The following PLG variants were observed in gnomAD, a reference collection of about 807,000 sequenced individuals.
PLG encodes the protein plasmin.
Under a neutral mutation model 104.4 loss-of-function variants are expected in PLG, and 41 were observed. The observed-to-expected ratio is 0.39, with a 90% CI of 0.31 to 0.51. The LOEUF is 0.51. PLG is among the 20% of genes least tolerant of loss of function. The pLI, the probability that PLG is intolerant of heterozygous loss-of-function variation, is 0.76. For synonymous variants in PLG, 337 were observed against 357.1 expected (o/e 0.94, Z 0.63); for missense variants, 891 against 1,003.6 (o/e 0.89, Z 1.52).
rs749641889 is a variant in PLG, at chr6:160,741,299, C to T, written c.2019-12C>T. The stretch of plus-strand genomic sequence containing the variant: ...GAGCAGTCAAACATAACTGCTGATG[C>T]TTTTCTTTCAGTCCTGCCGTCATCA... On this transcript the variant is annotated splice_polypyrimidine_tract_variant and intron_variant, in intron 16 of 18. Transcript: ENST00000308192. The surrounding 1 kb of genome is among the most constrained non-coding windows in gnomAD (Gnocchi z 4.7). The T allele has an allele frequency of 9.2e-6, 14 of 1,528,866 alleles. No homozygotes were observed. The highest frequency in any genetic ancestry group is 2.2e-5 in the East Asian group (1 of 44,464). 94.7% of individuals were successfully genotyped at this position (1,528,866 alleles called of 1,614,324 possible). A position where few individuals can be genotyped will look rare whatever the true frequency, so the allele number is the denominator to read the frequency against.
Position 160,723,907 on chromosome 6 carries a change from T to C in PLG, c.1256+1340T>C, listed in dbSNP as rs946939132. Among the ~76,000 whole-genome samples the C allele has an allele frequency of 6.6e-6, 1 of 152,122 alleles. No homozygotes were observed. Among genetic ancestry groups the C allele is most frequent in the African/African-American group, 2.4e-5 (1 of 41,418 alleles). On this transcript the variant is annotated intron_variant, in intron 10 of 18. Transcript: ENST00000308192. This position sits in a 1 kb window ranked among gnomAD's most constrained non-coding sequence, Gnocchi z 4.7. ...TGGGAGTAGGATTAGTGTATTCCTATAATAAAGGCCACTCCAGAAACAGCA... is the reference window on the plus strand; with the variant it reads ...TGGGAGTAGGATTAGTGTATTCCTACAATAAAGGCCACTCCAGAAACAGCA...
At chr6:160,745,686 C>T (rs1371507053) in intron 17 of PLG, among the ~76,000 whole-genome samples, 2 of 152,158 alleles carry the variant, frequency 1.3e-5, no homozygotes, top group Non-Finnish European at 2.9e-5. Flanking sequence ...TTGATGCCCT[C>T]ATTGTGTTGT....
intron 6 of PLG, 32 bp from the exon 7 acceptor site, chr6:160,716,613 C>A: frequency 8.4e-7 from 1 of 1,185,156 alleles, no homozygotes; most frequent in Non-Finnish European, 1.3e-6. Flanking sequence ...TGTAAATGTT[C>A]AGTGCTACTA....
At chr6:160,743,997 T>C (rs1235022961) in intron 17 of PLG, among the ~76,000 whole-genome samples, 10 of 152,218 alleles carry the variant, frequency 6.6e-5, no homozygotes, top group Admixed American at 2.6e-4. Flanking sequence ...GCTTACATTC[T>C]GGGGATAAAG....
rs905785916 is a variant in PLG at position 160,724,784 on chromosome 6, C to T, written c.1256+2217C>T. ...ATATAAATACATATTCTGCCTCCCC[C>T]AAAATAAATAAAACACTAAGAGAAT... On this transcript the variant is annotated intron_variant, in intron 10 of 18. Coordinates refer to ENST00000308192, the MANE Select transcript of PLG (RefSeq NM_000301.5). This position sits in a 1 kb window ranked among gnomAD's most constrained non-coding sequence, Gnocchi z 5.0. 6.6e-6 allele frequency among the ~76,000 whole-genome samples: 1 copy of T among 151,986 alleles called. No individual in the cohort carries two copies. The highest frequency in any genetic ancestry group is 2.4e-5 in the African/African-American group (1 of 41,378).
In PLG at chr6:160,724,199, T is replaced by C. The variant is rs1355895162; in HGVS notation, c.1256+1632T>C. ...CAAGAAGATTTGAAATATATATATATCATAATTGTGTTCAAGGATTTAAAT... is the reference window on the plus strand; with the variant it reads ...CAAGAAGATTTGAAATATATATATACCATAATTGTGTTCAAGGATTTAAAT... On this transcript the variant is annotated intron_variant, in intron 10 of 18. Transcript: ENST00000308192. This position sits in a 1 kb window ranked among gnomAD's most constrained non-coding sequence, Gnocchi z 5.0. 6.6e-6 allele frequency among the ~76,000 whole-genome samples: 1 copy of C among 152,056 alleles called. No homozygotes were observed. The highest frequency in any genetic ancestry group is 1.5e-5 in the Non-Finnish European group (1 of 68,014).
Position 160,710,952 on chromosome 6 carries a change from A to T in PLG, c.293-125A>T. 1.6e-5 allele frequency: 13 copies of T among 828,618 alleles called. 1 individual carries two copies. The South Asian group carries it at 1.7e-4, about 11-fold the overall frequency. The allele number at this position is 828,618 out of a possible 1,614,324, so 51.3% of individuals were successfully genotyped here. On this transcript the variant is annotated intron_variant, in intron 3 of 18. Transcript: ENST00000308192. Reference sequence around the variant, plus strand: ...AGCCTTTTTGCAGATGCAAAAGATGATCTTTTAGAAAGCAGAAACAGGGGG... The same window carrying T: ...AGCCTTTTTGCAGATGCAAAAGATGTTCTTTTAGAAAGCAGAAACAGGGGG...
At position 160,752,352 on chromosome 6, in the gene PLG, G is replaced by C; in HGVS notation, c.2271+92G>C. On this transcript the variant is annotated intron_variant, in intron 18 of 18. Transcript: ENST00000308192. The surrounding 1 kb of genome is among the most constrained non-coding windows in gnomAD (Gnocchi z 4.7). ...TTCATTCCCCAGGTGGCAAATTCAA[G>C]GATTTTCAACCGAAGACCCCAGTCT... 3 of 1,235,776 alleles carry C rather than the reference G, an allele frequency of 2.4e-6. No individual in the cohort carries two copies. In the South Asian group the frequency reaches 3.6e-5, roughly 15 times the overall value. The allele number at this position is 1,235,776 out of a possible 1,614,324, so 76.6% of individuals were successfully genotyped here. A position where few individuals can be genotyped will look rare whatever the true frequency, so the allele number is the denominator to read the frequency against.
rs1777917185 is a variant in PLG, at chr6:160,726,138, C to T, written c.1256+3571C>T. Among the ~76,000 whole-genome samples, 1 of 152,092 alleles carries T rather than the reference C, an allele frequency of 6.6e-6. No homozygotes were observed. Among genetic ancestry groups the T allele is most frequent in the South Asian group, 2.1e-4 (1 of 4,834 alleles). ...ACCTATTTAACACTATGCCAAACTG[C>T]AGAATACACATTCAAGTATGCATGG... On this transcript the variant is annotated intron_variant, in intron 10 of 18. Coordinates refer to ENST00000308192, the MANE Select transcript of PLG (RefSeq NM_000301.5). This position sits in a 1 kb window ranked among gnomAD's most constrained non-coding sequence, Gnocchi z 4.4.
chr6:160,738,488 C>A lies in PLG; in HGVS notation c.1803-50C>A. On this transcript the variant is annotated intron_variant, in intron 14 of 18. Transcript: ENST00000308192. The surrounding 1 kb of genome is among the most constrained non-coding windows in gnomAD (Gnocchi z 6.8). ...CTTTCTGGCTTTCTGTACAATGGAG[C>A]AGAACAAAGTATCAATTTAACTAAA... 1 of 1,084,998 alleles carries A rather than the reference C, an allele frequency of 9.2e-7. No homozygotes were observed. Among genetic ancestry groups the A allele is most frequent in the Non-Finnish European group, 1.4e-6 (1 of 696,680 alleles). 67.2% of individuals were successfully genotyped at this position (1,084,998 alleles called of 1,614,324 possible). A position where few individuals can be genotyped will look rare whatever the true frequency, so the allele number is the denominator to read the frequency against.
In PLG at chr6:160,731,592, AG is replaced by A. The variant is rs1379544437; in HGVS notation, c.1439-151del. 1.3e-5 allele frequency among the ~76,000 whole-genome samples: 2 copies of A among 152,194 alleles called. No homozygotes were observed. Among genetic ancestry groups the A allele is most frequent in the Non-Finnish European group, 2.9e-5 (2 of 68,032 alleles). ...AGCATCTCCAGTAATTTCTTAAGGT[AG>A]GCAGCGTTCATTGCAGTCTTCAGCA... On this transcript the variant is annotated intron_variant, in intron 11 of 18. Coordinates refer to ENST00000308192, the MANE Select transcript of PLG (RefSeq NM_000301.5). The surrounding 1 kb of genome is among the most constrained non-coding windows in gnomAD (Gnocchi z 5.1).
chr6:160,714,857 T>A lies in PLG; in HGVS notation c.611T>A (p.Leu204Gln). The change falls in exon 6 of 19, where the codon CTG (leucine) becomes CAG (glutamine). Residue 204 changes from leucine (L) to glutamine (Q), a missense_variant. Around this residue, in one of 2 missense-constraint regions of PLG, gnomAD observed 854 missense variants for 932.1 expected, o/e 0.92. Coordinates refer to ENST00000308192, the MANE Select transcript of PLG (RefSeq NM_000301.5). ...AAAATTTCCAAGACCATGTCTGGAC[T>A]GGAATGCCAGGCCTGGGACTCTCAG... is the stretch of plus-strand genomic sequence containing the variant. ...DGKISKTMSG[L>Q]ECQAWDSQSP... The A allele has an allele frequency of 6.2e-7, 1 of 1,613,086 alleles. No individual in the cohort carries two copies. The highest frequency in any genetic ancestry group is 8.5e-7 in the Non-Finnish European group (1 of 1,179,054).
chr6:160,718,189 T>C (rs371098338), intron 7 of PLG, 105 bp from the exon 8 acceptor site: 1 of 930,078 alleles, frequency 1.1e-6, no homozygotes. Context: ...GAGGCAGAGG[T>C]TGCAGTGAGC....
At chr6:160,702,536 T>G (rs961786196) in intron 1 of PLG, among the ~76,000 whole-genome samples, 183 bp downstream of exon 1, 1 of 152,206 alleles carries the variant, frequency 6.6e-6, no homozygotes, top group African/African-American at 2.4e-5. Flanking sequence ...GTGAAGATTG[T>G]CAGGGTGCTG....
At chr6:160,711,256 G>T in intron 4 of PLG, 65 bp downstream of exon 4, 1 of 1,499,002 alleles carries the variant, frequency 6.7e-7, no homozygotes, top group Non-Finnish European at 9.2e-7. Context: ...GTCTGTGAGG[G>T]ATTGGTTCCA....
Position 160,719,093 on chromosome 6 carries a change from A to G in PLG, c.1096+255A>G, listed in dbSNP as rs1381952753. Among the ~76,000 whole-genome samples, 6 of 152,152 alleles carry G rather than the reference A, an allele frequency of 3.9e-5. No individual in the cohort carries two copies. Among genetic ancestry groups the G allele is most frequent in the Non-Finnish European group, 8.8e-5 (6 of 68,034 alleles). On this transcript the variant is annotated intron_variant, in intron 9 of 18. Transcript: ENST00000308192. The surrounding 1 kb of genome is among the most constrained non-coding windows in gnomAD (Gnocchi z 4.1). ...CGGTTGTTGGGTGGGGTGTTCCCTCAAGGTCATTTAGGTGAAGTTGGTTGC... is the reference window on the plus strand; with the variant it reads ...CGGTTGTTGGGTGGGGTGTTCCCTCGAGGTCATTTAGGTGAAGTTGGTTGC...
At chr6:160,728,877 A>C (rs1777957261) in intron 10 of PLG, among the ~76,000 whole-genome samples, 1 of 152,264 alleles carries the variant, frequency 6.6e-6, no homozygotes, top group South Asian at 2.1e-4. Flanking sequence ...CCCAGAAAAC[A>C]CTAGCTTTAA....
Position 160,725,499 on chromosome 6 carries a change from C to A in PLG, c.1256+2932C>A, listed in dbSNP as rs1777908207. Among the ~76,000 whole-genome samples, 2 of 151,164 alleles carry A rather than the reference C, an allele frequency of 1.3e-5. No individual in the cohort carries two copies. The highest frequency in any genetic ancestry group is 4.9e-5 in the African/African-American group (2 of 41,084). On this transcript the variant is annotated intron_variant, in intron 10 of 18. Transcript: ENST00000308192. The surrounding 1 kb of genome is among the most constrained non-coding windows in gnomAD (Gnocchi z 6.3). ...AGGAATAGATAATAATAAGAATGTT[C>A]CATTTATCCAAAAGAAGGAAAGAAA... is the stretch of plus-strand genomic sequence containing the variant.
chr6:160,733,963 G>C, intron 12 of PLG, 32 bp from the exon 13 acceptor site: 1 of 1,204,116 alleles, frequency 8.3e-7, no homozygotes, highest in Non-Finnish European at 1.2e-6. Context: ...TGCCCCACGT[G>C]AGCTGGAGCT....
Sources: gnomAD v4.1 joint callset for allele counts (sites outside exome capture counted in the v4.1 genomes callset) on GRCh38, gnomAD v4.1.1 for gene constraint, gnomAD v4.1.1 regional missense constraint, Gnocchi (gnomAD v3.1) non-coding constraint, MANE v1.5 for transcripts, NCBI Gene and HGNC (gene_info 2026-07-23, HGNC 2026-07-21) for gene names.